ENPP2: variants seen among roughly 807,000 people sequenced by gnomAD.
ENPP2 encodes autotaxin.
Under a neutral mutation model 120.2 loss-of-function variants are expected in ENPP2, and 51 were observed. The ratio of observed to expected loss-of-function variants is 0.42; its 90% CI spans 0.34 to 0.54. The LOEUF (loss-of-function observed/expected upper bound fraction) is 0.54. Among genes scored for constraint, ENPP2 ranks in the 20% least tolerant of loss-of-function variants. The pLI, the probability that ENPP2 is intolerant of heterozygous loss-of-function variation, is 0.04. For synonymous variants in ENPP2, 365 were observed against 366.4 expected (o/e 1.00, Z 0.04); for missense variants, 920 against 1,066.5 (o/e 0.86, Z 1.91).
chr8:119,563,142 C>G (rs1414413522), intron 23 of ENPP2, 129 bp from the exon 24 acceptor site: 1 of 718,654 alleles, frequency 1.4e-6, no homozygotes, highest in Non-Finnish European at 2.3e-6. Flanking sequence ...TCATTTTTCA[C>G]TTCTAAGCAC....
At chr8:119,561,381 A>C (rs1482391543) in intron 24 of ENPP2, among the ~76,000 whole-genome samples, 1 of 152,332 alleles carries the variant, frequency 6.6e-6, no homozygotes, top group East Asian at 1.9e-4. Context: ...TGTTTCTCCT[A>C]GAGTAGCTTA....
At chr8:119,643,028 A>G (rs1817329300), upstream of ENPP2, among the ~76,000 whole-genome samples, 2 of 152,194 alleles carry the variant, frequency 1.3e-5, 1 homozygote, top group South Asian at 4.1e-4. Flanking sequence ...GAATAATCCT[A>G]AGATTATGTA....
intron 1 of ENPP2, among the ~76,000 whole-genome samples, chr8:119,644,587 A>AATATATAT (rs33966650): frequency 0.031 from 1,855 of 59,456 alleles, 25 homozygotes; most frequent in East Asian, 0.043. Flanking sequence ...AGATTACTAA[A>AATATATAT]ATATATATAT....
At chr8:119,670,226 AGAGGGAGCTGATAGACCCACAGACTC>A (rs1439235874) in intron 1 of ENPP2, among the ~76,000 whole-genome samples, 9 of 152,356 alleles carry the variant, frequency 5.9e-5, no homozygotes, top group Non-Finnish European at 1.0e-4. Context: ...TGTGAATTAG[AGAGGGAGCTGATAGACCCACAGACTC>A]GAGGCATTAT....
intron 22 of ENPP2, among the ~76,000 whole-genome samples, chr8:119,565,755 C>T (rs1011095127): frequency 2.0e-5 from 3 of 152,202 alleles, no homozygotes; most frequent in Non-Finnish European, 4.4e-5. Flanking sequence ...CCACAAAAGA[C>T]TATTCCCTGG....
At chr8:119,663,077 G>A (rs530649461) in intron 1 of ENPP2, among the ~76,000 whole-genome samples, 59 of 147,400 alleles carry the variant, frequency 4.0e-4, no homozygotes, top group African/African-American at 1.2e-3. Flanking sequence ...AAATCACGCC[G>A]CTGCACTCCA....
At chr8:119,583,528 A>G (rs1385343175) in intron 17 of ENPP2, among the ~76,000 whole-genome samples, 189 bp downstream of exon 17, 1 of 152,246 alleles carries the variant, frequency 6.6e-6, no homozygotes, top group East Asian at 1.9e-4. Context: ...CAACTGTTGA[A>G]GGAAGACAAA....
rs10098410 is a variant in ENPP2 at position 119,601,043 on chromosome 8, A to C, written c.900-293T>G. On this transcript the variant is annotated intron_variant, in intron 10 of 24. Transcript: ENST00000075322. ...ATAACAGAGCCTGGCGGTAATTCAC[A>C]TGGGCCGTGCAATCTGCAGCCTGAA... is the stretch of plus-strand genomic sequence containing the variant. 3.6e-4 allele frequency among the ~76,000 whole-genome samples: 55 copies of C among 152,016 alleles called. 1 individual carries two copies. Among genetic ancestry groups the C allele is most frequent in the African/African-American group, 1.3e-3 (52 of 41,464 alleles).
rs1362418393 is a variant in ENPP2 at position 119,569,248 on chromosome 8, G to A, written c.2040C>T (p.Phe680=). The A allele has an allele frequency of 6.2e-7, 1 of 1,613,866 alleles. No individual in the cohort carries two copies. Among genetic ancestry groups the A allele is most frequent in the Non-Finnish European group, 8.5e-7 (1 of 1,179,928 alleles). Residue 680 remains phenylalanine, a synonymous_variant, in exon 21 of 25, where the codon TTC becomes TTT. Transcript: ENST00000075322. ...TTCTTAACTTACAAGGAGGAAAGAG[G>A]AATCCGTAGGACATCTGCTTATCAT... ...YKNDKQMSYG[F]LFPPYLSSSP...
upstream of ENPP2, among the ~76,000 whole-genome samples, chr8:119,639,208 T>C (rs1563765005): frequency 6.6e-6 from 1 of 152,208 alleles, no homozygotes; most frequent in South Asian, 2.1e-4. Context: ...AGCTTTAAGC[T>C]TTTAAGGTTT....
upstream of ENPP2, among the ~76,000 whole-genome samples, chr8:119,641,943 A>T (rs1817297188): frequency 6.6e-6 from 1 of 152,226 alleles, no homozygotes; most frequent in African/African-American, 2.4e-5. Context: ...CAGATAGGAA[A>T]AACTGATGGC....
At chr8:119,644,980 A>G (rs1242937523) in intron 1 of ENPP2, among the ~76,000 whole-genome samples, 2 of 152,080 alleles carry the variant, frequency 1.3e-5, no homozygotes, top group African/African-American at 4.8e-5. Context: ...GTGATATATG[A>G]ACACAAATGA....
chr8:119,645,244 A>C (rs1478852668), intron 1 of ENPP2, among the ~76,000 whole-genome samples: 1 of 152,152 alleles, frequency 6.6e-6, no homozygotes, highest in East Asian at 1.9e-4. Flanking sequence ...TCTCTACTAC[A>C]CCACACGAGG....
rs1475043531 is a variant in ENPP2 at position 119,586,432 on chromosome 8, A to G, written c.1240-119T>C. The G allele has an allele frequency of 1.5e-5, 12 of 795,888 alleles. No homozygotes were observed. In the East Asian group the frequency reaches 3.1e-4, roughly 20 times the overall value. 49.3% of individuals were successfully genotyped at this position (795,888 alleles called of 1,614,324 possible). A position where few individuals can be genotyped will look rare whatever the true frequency, so the allele number is the denominator to read the frequency against. On this transcript the variant is annotated intron_variant, in intron 14 of 24. Coordinates refer to ENST00000075322, the MANE Select transcript of ENPP2 (RefSeq NM_001040092.3). The stretch of plus-strand genomic sequence containing the variant: ...CCTAACCAAAGGTTAATGAGTGAAT[A>G]AATGAAATTTATTTCTATTAAATAA...
intron 1 of ENPP2, among the ~76,000 whole-genome samples, chr8:119,657,113 C>T (rs1367720017): frequency 6.6e-6 from 1 of 151,992 alleles, no homozygotes; most frequent in Non-Finnish European, 1.5e-5. Context: ...TTAGTAGAGT[C>T]AGGGTTTCAC....
chr8:119,616,417 A>C, intron 7 of ENPP2, 33 bp from the exon 8 acceptor site: 3 of 1,512,696 alleles, frequency 2.0e-6, no homozygotes, highest in Non-Finnish European at 2.7e-6. Flanking sequence ...TGTTAAAATA[A>C]CAATACAATA....
intron 8 of ENPP2, among the ~76,000 whole-genome samples, chr8:119,609,202 C>T (rs1031226746): frequency 6.6e-6 from 1 of 152,136 alleles, no homozygotes; most frequent in African/African-American, 2.4e-5. Flanking sequence ...ACCTGGGATA[C>T]CTGCCCTGGG....
intron 3 of ENPP2, among the ~76,000 whole-genome samples, chr8:119,625,294 T>C (rs28668309): frequency 0.28 from 42,484 of 151,978 alleles, 6,348 homozygotes; most frequent in East Asian, 0.45. Context: ...AGATCCACAA[T>C]TAAAAGAAAC....
At chr8:119,613,892 T>C (rs1381331994) in intron 8 of ENPP2, among the ~76,000 whole-genome samples, 1 of 152,106 alleles carries the variant, frequency 6.6e-6, no homozygotes, top group Non-Finnish European at 1.5e-5. Flanking sequence ...ACATTTAAAA[T>C]TTTCCATCTT....
Sources: allele counts gnomAD v4.1 joint callset (sites outside exome capture counted in the v4.1 genomes callset), GRCh38; gene constraint gnomAD v4.1.1; transcripts MANE v1.5; gene names NCBI Gene and HGNC (gene_info 2026-07-23, HGNC 2026-07-21).